DMD: variants seen among roughly 807,000 people sequenced by gnomAD.
The protein encoded by DMD is dystrophin, also known as mutant dystrophin.
DMD carries 63 observed loss-of-function variants against 330.1 expected under a neutral mutation model. The observed-to-expected ratio is 0.19, with a 90% CI of 0.16 to 0.24. The LOEUF (loss-of-function observed/expected upper bound fraction) is 0.24, where lower values mean the gene tolerates loss of function less well. Among genes scored for constraint, DMD ranks in the 10% least tolerant of loss-of-function variants. The pLI, the probability that DMD is intolerant of heterozygous loss-of-function variation, is 1.00. For missense variants in DMD, 3,344 were observed against 2,684.1 expected (o/e 1.25, Z -5.43); for synonymous variants, 1,223 against 959.8 (o/e 1.27, Z -5.07).
chrX:32,562,038 A>G (rs1369126074), intron 16 of DMD, among the ~76,000 whole-genome samples: 1 of 111,849 alleles, frequency 8.9e-6, no homozygotes, highest in Non-Finnish European at 1.9e-5. Context: ...TCAAGATAAA[A>G]TATATATCGA....
chrX:31,281,566 G>T (rs182903002), intron 62 of DMD, among the ~76,000 whole-genome samples: 3 of 93,014 alleles, frequency 3.2e-5, no homozygotes, highest in African/African-American at 1.2e-4. Context: ...CTTTTTAAAC[G>T]TTAAAAAAAT....
chrX:33,289,698 T>C (rs1431890678), intron 1 of DMD, among the ~76,000 whole-genome samples: 1 of 111,474 alleles, frequency 9.0e-6, no homozygotes, highest in African/African-American at 3.3e-5. Context: ...AGATAGCTTT[T>C]AATTTCAAGT....
At chrX:32,992,472 C>T (rs2093002348) in intron 2 of DMD, among the ~76,000 whole-genome samples, 1 of 111,723 alleles carries the variant, frequency 9.0e-6, no homozygotes, top group African/African-American at 3.3e-5. Flanking sequence ...AAGATGCATG[C>T]TTTCATTAAG....
chrX:33,269,093 A>G lies in DMD; in HGVS notation c.7+70166T>C, dbSNP rs143175397. On this transcript the variant is annotated intron_variant, in intron 1 of 17. Coordinates refer to the DMD transcript ENST00000288447. Reference sequence around the variant, plus strand: ...TCAGCAATCCCATTACTGAGTATATACCCAAAGGAAAATAGATCATTTTAT... The same window carrying G: ...TCAGCAATCCCATTACTGAGTATATGCCCAAAGGAAAATAGATCATTTTAT... 9.1e-3 allele frequency among the ~76,000 whole-genome samples: 1,011 copies of G among 110,615 alleles called. 9 individuals carry two copies. The highest frequency in any genetic ancestry group is 0.031 in the African/African-American group (943 of 30,377).
intron 45 of DMD, among the ~76,000 whole-genome samples, chrX:31,945,267 T>G (rs2095070635): frequency 8.9e-6 from 1 of 112,468 alleles, no homozygotes; most frequent in Non-Finnish European, 1.9e-5. Flanking sequence ...TTTTGCTACT[T>G]GATGAGGTAG....
intron 45 of DMD, among the ~76,000 whole-genome samples, chrX:31,954,435 C>G (rs898213815): frequency 3.6e-5 from 4 of 111,240 alleles, no homozygotes. Flanking sequence ...AGATACTTTC[C>G]TTTTACACAA....
chrX:32,212,003 T>C (rs974532060), intron 44 of DMD, among the ~76,000 whole-genome samples: 3 of 112,245 alleles, frequency 2.7e-5, no homozygotes, highest in Non-Finnish European at 5.6e-5. Flanking sequence ...TTATAATTTC[T>C]ACTTTCCTAT....
At chrX:32,593,296 G>A (rs1355252034) in intron 13 of DMD, among the ~76,000 whole-genome samples, 2 of 112,684 alleles carry the variant, frequency 1.8e-5, no homozygotes, top group African/African-American at 6.5e-5. Flanking sequence ...GGAATCATCT[G>A]TTGCGTTCAA....
intron 59 of DMD, among the ~76,000 whole-genome samples, chrX:31,465,947 G>A (rs976259216): frequency 8.9e-6 from 1 of 112,369 alleles, no homozygotes; most frequent in South Asian, 3.7e-4. Flanking sequence ...GTGATGATGA[G>A]CTTTTTTTCA....
chrX:32,433,147 C>T (rs192300448), intron 29 of DMD, among the ~76,000 whole-genome samples: 74 of 112,246 alleles, frequency 6.6e-4, no homozygotes, highest in African/African-American at 1.9e-3. Flanking sequence ...AGCCATAATA[C>T]TTTTAAGGCC....
At chrX:31,819,834 T>C in intron 50 of DMD, 141 bp downstream of exon 50, 2 of 526,836 alleles carry the variant, frequency 3.8e-6, no homozygotes, top group Non-Finnish European at 6.6e-6. Context: ...ACTCTAAGAC[T>C]TTTTGCACAG....
At chrX:32,979,536 T>C (rs1039102546) in intron 2 of DMD, among the ~76,000 whole-genome samples, 1 of 111,128 alleles carries the variant, frequency 9.0e-6, no homozygotes, top group African/African-American at 3.3e-5. Context: ...ATAATCAACC[T>C]AGAAAACAAG....
intron 62 of DMD, among the ~76,000 whole-genome samples, chrX:31,280,635 G>A (rs1227749396): frequency 8.9e-6 from 1 of 111,923 alleles, no homozygotes; most frequent in Non-Finnish European, 1.9e-5. Flanking sequence ...TTTTAAAAAA[G>A]CGTTTGCCCT....
intron 2 of DMD, among the ~76,000 whole-genome samples, chrX:33,013,373 T>C (rs765566732): frequency 1.8e-5 from 2 of 111,634 alleles, no homozygotes; most frequent in African/African-American, 6.5e-5. Flanking sequence ...TCCGTAAGTT[T>C]CCTGTATCAA....
intron 4 of DMD, among the ~76,000 whole-genome samples, chrX:32,824,222 C>A (rs1265921816): frequency 8.9e-6 from 1 of 111,755 alleles, no homozygotes; most frequent in African/African-American, 3.3e-5. Context: ...TGAACATGTA[C>A]TTATTATACA....
At chrX:33,280,092 C>T (rs148742405) in intron 1 of DMD, among the ~76,000 whole-genome samples, 2,699 of 109,774 alleles carry the variant, frequency 0.025, 29 homozygotes, top group Non-Finnish European at 0.039. Flanking sequence ...AAGCGATTCT[C>T]ATGCCTCAGC....
chrX:32,333,589 C>A (rs1426583748), intron 41 of DMD, among the ~76,000 whole-genome samples: 1 of 110,581 alleles, frequency 9.0e-6, no homozygotes, highest in Non-Finnish European at 1.9e-5. Flanking sequence ...TTTTAATAAT[C>A]TTTTCTGCTT....
chrX:32,665,555 G>T lies in DMD; in HGVS notation c.961-20403C>A, dbSNP rs977832069. 4.6e-4 allele frequency among the ~76,000 whole-genome samples: 51 copies of T among 112,030 alleles called. 2 individuals carry two copies. The highest frequency in any genetic ancestry group is 1.6e-3 in the African/African-American group (50 of 30,790). ...TATTGTGGATTCATGTATCAACTAT[G>T]TATTAATCACTCACTTAGATCACAA... On this transcript the variant is annotated intron_variant, in intron 9 of 78. Transcript: ENST00000357033.
In DMD at chrX:31,444,608, G is replaced by T; in HGVS notation, c.8957C>A (p.Ala2986Glu). The change falls in exon 60 of 79, where the codon GCG becomes GAG. Residue 2986 changes from alanine (A) to glutamate (E), a missense_variant. Physicochemically the swap from Ala to Glu is moderately radical, Grantham distance 107. Transcript: ENST00000357033. ...GTGGCTCACGTTCTCTTTCAGAGGC[G>T]CAATTTCTCCTCGAAGTGCCTGTGT... ...EKVKALRGEIAPLKENVSHVN... is the reference protein window; with the variant it reads ...EKVKALRGEIEPLKENVSHVN... 1.7e-6 allele frequency: 2 copies of T among 1,211,282 alleles called. No homozygotes were observed. The highest frequency in any genetic ancestry group is 2.2e-6 in the Non-Finnish European group (2 of 895,300).
Sources: allele counts gnomAD v4.1 joint callset (sites outside exome capture counted in the v4.1 genomes callset), GRCh38; gene constraint gnomAD v4.1.1; transcripts MANE v1.5; gene names NCBI Gene and HGNC (gene_info 2026-07-23, HGNC 2026-07-21).